The following LEPR variants were observed in gnomAD, a reference collection of about 807,000 sequenced individuals.
LEPR encodes the protein OB receptor.
In LEPR, 56 loss-of-function variants were observed where a neutral mutation model predicts 114.7. That is an observed-to-expected ratio of 0.49 (90% CI 0.39 to 0.61). LEPR has a LOEUF of 0.61. Ranked by LOEUF, LEPR falls within the 20% of genes least tolerant of loss-of-function variation. The pLI is 0.00. For synonymous variants in LEPR, 443 were observed against 461.4 expected, an observed-to-expected ratio of 0.96 and a Z score of 0.51; for missense variants, 1,202 against 1,352.9, an observed-to-expected ratio of 0.89 and a Z score of 1.75.
chr1:65,487,352 T>A (rs1647543964), intron 2 of LEPR, among the ~76,000 whole-genome samples: 1 of 152,150 alleles, frequency 6.6e-6, no homozygotes, highest in Non-Finnish European at 1.5e-5. Flanking sequence ...ACATGATGTT[T>A]GTCATATCTA....
chr1:65,458,263 A>G (rs1424275700), intron 2 of LEPR, among the ~76,000 whole-genome samples: 1 of 152,050 alleles, frequency 6.6e-6, no homozygotes, highest in Non-Finnish European at 1.5e-5. Flanking sequence ...ACCTTCATTT[A>G]TTCCTTCTCA....
chr1:65,572,839 AGCAGCTCTCT>A (rs1266393995), intron 5 of LEPR, among the ~76,000 whole-genome samples: 1 of 152,160 alleles, frequency 6.6e-6, no homozygotes, highest in Non-Finnish European at 1.5e-5. Context: ...GTCTCTCATT[AGCAGCTCTCT>A]TAGCAGCAGC....
At chr1:65,430,896 G>A (rs963121009) in intron 2 of LEPR, among the ~76,000 whole-genome samples, 1 of 152,194 alleles carries the variant, frequency 6.6e-6, no homozygotes, top group African/African-American at 2.4e-5. Flanking sequence ...TTTGATATGG[G>A]CCTCTAAGGA....
At chr1:65,432,998 A>G in intron 2 of LEPR, 2 of 985,458 alleles carry the variant, frequency 2.0e-6, no homozygotes, top group Non-Finnish European at 2.4e-6. Context: ...TGGGGAACAG[A>G]TGTATCTTTT....
At chr1:65,596,803 A>C (rs562673533) in intron 7 of LEPR, among the ~76,000 whole-genome samples, 1 of 152,068 alleles carries the variant, frequency 6.6e-6, no homozygotes. Flanking sequence ...CAGAAACTTG[A>C]ATTCATAATT....
At chr1:65,472,443 C>CACACACACACACACACACGT (rs1253641767) in intron 2 of LEPR, among the ~76,000 whole-genome samples, 1 of 136,162 alleles carries the variant, frequency 7.3e-6, no homozygotes, top group African/African-American at 3.1e-5. Flanking sequence ...CACACACACA[C>CACACACACACACACACACGT]ACGTGTGTAT....
rs574731854 is a variant in LEPR, at chr1:65,635,158, A to G, written c.2674-1033A>G. 19 of 952,290 alleles carry G rather than the reference A, an allele frequency of 2.0e-5. No homozygotes were observed. In the South Asian group the frequency reaches 8.7e-4, roughly 44 times the overall value. 59.0% of individuals were successfully genotyped at this position (952,290 alleles called of 1,614,324 possible). A position where few individuals can be genotyped will look rare whatever the true frequency, so the allele number is the denominator to read the frequency against. On this transcript the variant is annotated intron_variant, in intron 19 of 19. Coordinates refer to ENST00000349533, the MANE Select transcript of LEPR (RefSeq NM_002303.6). ...GCTGGGTATACCATTATTTCAAGTA[A>G]TAAATCTGAATTCTATTAGTTTAAA...
rs974675221 is a variant in LEPR at position 65,424,528 on chromosome 1, G to C, written c.-96-775G>C. Reference sequence around the variant, plus strand: ...TAGGGGTTAGGTACTGGAATTACTTGAGACCTTTGTATACTTTATGATTTC... The same window carrying C: ...TAGGGGTTAGGTACTGGAATTACTTCAGACCTTTGTATACTTTATGATTTC... On this transcript the variant is annotated intron_variant, in intron 1 of 19. Coordinates refer to ENST00000349533, the MANE Select transcript of LEPR (RefSeq NM_002303.6). 2.8e-5 allele frequency among the ~76,000 whole-genome samples: 4 copies of C among 142,612 alleles called. No homozygotes were observed. In the Admixed American group the frequency reaches 2.8e-4, roughly 10 times the overall value. 93.6% of individuals were successfully genotyped at this position (142,612 alleles called of 152,430 possible). A position where few individuals can be genotyped will look rare whatever the true frequency, so the allele number is the denominator to read the frequency against.
intron 2 of LEPR, among the ~76,000 whole-genome samples, chr1:65,483,173 A>T (rs1647303658): frequency 6.6e-6 from 1 of 151,854 alleles, no homozygotes; most frequent in Non-Finnish European, 1.5e-5. Flanking sequence ...AGCAGAAAGC[A>T]GACTTGGAGA....
intron 2 of LEPR, among the ~76,000 whole-genome samples, chr1:65,532,526 G>T (rs1650473846): frequency 6.6e-6 from 1 of 152,124 alleles, no homozygotes; most frequent in African/African-American, 2.4e-5. Context: ...ACAAAAAGTT[G>T]TACAGAAGTG....
At chr1:65,437,705 C>T (rs577757515) in intron 2 of LEPR, among the ~76,000 whole-genome samples, 3 of 151,994 alleles carry the variant, frequency 2.0e-5, no homozygotes, top group South Asian at 2.1e-4. Context: ...GTATATGATA[C>T]GGTAGGCGCT....
intron 2 of LEPR, among the ~76,000 whole-genome samples, chr1:65,494,446 G>A (rs1355303765): frequency 1.3e-5 from 2 of 151,994 alleles, no homozygotes; most frequent in Non-Finnish European, 2.9e-5. Context: ...GATTCTCAAA[G>A]TTATTTTCCT....
chr1:65,516,903 C>T (rs934028999), intron 2 of LEPR, among the ~76,000 whole-genome samples: 1 of 152,184 alleles, frequency 6.6e-6, no homozygotes, highest in Admixed American at 6.5e-5. Context: ...CCCCATCACC[C>T]TTTTCCCTTC....
chr1:65,599,305 GCA>G, intron 8 of LEPR, among the ~76,000 whole-genome samples: 1 of 152,074 alleles, frequency 6.6e-6, no homozygotes, highest in South Asian at 2.1e-4. Context: ...CAGCTGATGC[GCA>G]AAGTTTTGCA....
At chr1:65,492,329 A>G (rs1199364495) in intron 2 of LEPR, among the ~76,000 whole-genome samples, 3 of 152,034 alleles carry the variant, frequency 2.0e-5, no homozygotes, top group Non-Finnish European at 2.9e-5. Flanking sequence ...TACCGTTGTC[A>G]TTATCTTAGC....
intron 2 of LEPR, among the ~76,000 whole-genome samples, chr1:65,438,229 T>C (rs1314510778): frequency 6.6e-6 from 1 of 150,576 alleles, no homozygotes; most frequent in East Asian, 2.0e-4. Flanking sequence ...TTGTGCTAGC[T>C]GGAACACTGG....
rs576218615 is a variant in LEPR at position 65,439,190 on chromosome 1, A to G, written c.-21+13812A>G. On this transcript the variant is annotated intron_variant, in intron 2 of 19. Transcript: ENST00000349533. ...TGGACTCAGTATTGTTGAGACATCA[A>G]TTTTCCGCAACATGATTTATAGATT... Among the ~76,000 whole-genome samples the G allele has an allele frequency of 6.6e-5, 10 of 152,284 alleles. 1 individual carries two copies. The South Asian group carries it at 2.1e-3, about 32-fold the overall frequency.
At chr1:65,455,684 A>G (rs1251156908) in intron 2 of LEPR, among the ~76,000 whole-genome samples, 1 of 152,176 alleles carries the variant, frequency 6.6e-6, no homozygotes, top group African/African-American at 2.4e-5. Context: ...GCTCTCTTCA[A>G]AGCTGTCAGA....
intron 2 of LEPR, among the ~76,000 whole-genome samples, chr1:65,441,459 G>A (rs1646647280): frequency 6.6e-6 from 1 of 152,212 alleles, no homozygotes; most frequent in Admixed American, 6.5e-5. Context: ...CTAAGTCCTA[G>A]CCTTTGGACT....
Sources: gnomAD v4.1 joint callset for allele counts (sites outside exome capture counted in the v4.1 genomes callset) on GRCh38, gnomAD v4.1.1 for gene constraint, MANE v1.5 for transcripts, NCBI Gene and HGNC (gene_info 2026-07-23, HGNC 2026-07-21) for gene names.